The following NKPD1 variants were observed in gnomAD, a reference collection of about 807,000 sequenced individuals.
NKPD1 encodes the protein NTPase KAP family P-loop domain-containing protein 1.
Under a neutral mutation model 42.2 loss-of-function variants are expected in NKPD1, and 37 were observed. That is an observed-to-expected ratio of 0.88 (90% CI 0.67 to 1.15). The LOEUF (loss-of-function observed/expected upper bound fraction) is 1.15, where lower values mean the gene tolerates loss of function less well. Ranked by LOEUF, NKPD1 falls within the 50% of genes most tolerant of loss-of-function variation. The pLI is 0.00. For missense variants in NKPD1, 1,113 were observed against 1,174.6 expected, an observed-to-expected ratio of 0.95 and a Z score of 0.77; for synonymous variants, 552 against 536.5, an observed-to-expected ratio of 1.03 and a Z score of -0.40.
chr19:45,160,686 T>C (rs970079125), intron 1 of NKPD1, among the ~76,000 whole-genome samples: 22 of 150,166 alleles, frequency 1.5e-4, no homozygotes, highest in African/African-American at 5.2e-4. Flanking sequence ...AATGATACGG[T>C]GGAGGGGGAA....
intron 4 of NKPD1, among the ~76,000 whole-genome samples, chr19:45,155,128 G>C (rs1968878159): frequency 6.6e-6 from 1 of 151,446 alleles, no homozygotes; most frequent in African/African-American, 2.4e-5. Context: ...GAGACCATCT[G>C]GCCAACATGG....
rs759726979 is a variant in NKPD1 at position 45,153,456 on chromosome 19, C to G, written c.981G>C (p.Gln327His). 36 of 1,549,992 alleles carry G rather than the reference C, an allele frequency of 2.3e-5. No individual in the cohort carries two copies. Among genetic ancestry groups the G allele is most frequent in the Non-Finnish European group, 3.1e-5 (36 of 1,151,052 alleles). ...SVLGNKPATR[Q>H]DCCQSEWHCR... ...AATGCCACTCGCTCTGGCAGCAGTC[C>G]TGCCTGGTGGCCGGCTTGTTGCCCA... The change falls in exon 5 of 5, where the codon CAG (glutamine) becomes CAC (histidine). Residue 327 changes from glutamine to histidine, a missense_variant. Coordinates refer to ENST00000686631, the MANE Select transcript of NKPD1 (RefSeq NM_198478.4).
chr19:45,152,562 G>C lies in NKPD1; in HGVS notation c.1875C>G (p.Ile625Met), dbSNP rs779449449. Reference sequence around the variant, plus strand: ...GCACGGTGATGGGCACGGTGTTGACGATGCGCCGCATGGACACCACGTTGT... The same window carrying C: ...GCACGGTGATGGGCACGGTGTTGACCATGCGCCGCATGGACACCACGTTGT... ...VPDNVVSMRRIVNTVPITVRL... is the reference protein window; with the variant it reads ...VPDNVVSMRRMVNTVPITVRL... Residue 625 changes from isoleucine (I) to methionine (M), a missense_variant, in exon 5 of 5, where the codon ATC (isoleucine) becomes ATG (methionine). This residue lies in a region of NKPD1 where 867 missense variants were observed against 870.1 expected (regional missense o/e 1.00). Coordinates refer to ENST00000686631, the MANE Select transcript of NKPD1 (RefSeq NM_198478.4). 3 of 1,586,540 alleles carry C rather than the reference G, an allele frequency of 1.9e-6. No homozygotes were observed. The highest frequency in any genetic ancestry group is 2.6e-6 in the Non-Finnish European group (3 of 1,175,394).
At chr19:45,157,375 C>A (rs1968922901) in intron 3 of NKPD1, among the ~76,000 whole-genome samples, 1 of 152,212 alleles carries the variant, frequency 6.6e-6, no homozygotes, top group African/African-American at 2.4e-5. Flanking sequence ...TCCCCCATCT[C>A]CTGTCCCTGC....
Position 45,152,767 on chromosome 19 carries a change from GTCATC to G in NKPD1, c.1665_1669del (p.Glu555AspfsTer298), listed in dbSNP as rs1568456294. The G allele has an allele frequency of 6.3e-7, 1 of 1,596,788 alleles. No homozygotes were observed. The highest frequency in any genetic ancestry group is 8.5e-7 in the Non-Finnish European group (1 of 1,173,658). The stretch of plus-strand genomic sequence containing the variant: ...GTCCCCCGGCAGCCACGGCTTGCGC[GTCATC>G]TCGCGGTACAACAGGTCGTCGCGGC... On this transcript the variant is annotated frameshift_variant, in exon 5 of 5. Transcript: ENST00000686631. LOFTEE classifies it low-confidence loss of function (END_TRUNC).
intron 2 of NKPD1, among the ~76,000 whole-genome samples, chr19:45,159,635 C>T (rs1968970031): frequency 6.6e-6 from 1 of 152,080 alleles, no homozygotes; most frequent in South Asian, 2.1e-4. Context: ...CTGAATCAGC[C>T]CCAGTGGGAG....
At chr19:45,155,683 C>T in intron 4 of NKPD1, 102 bp downstream of exon 4, 1 of 1,165,862 alleles carries the variant, frequency 8.6e-7, no homozygotes, top group Non-Finnish European at 1.1e-6. Context: ...CTGGGGCAGG[C>T]TGGCCACAGG....
Position 45,151,872 on chromosome 19 carries a change from C to T in NKPD1, c.*66G>A. The T allele has an allele frequency of 1.4e-6, 2 of 1,440,788 alleles. No individual in the cohort carries two copies. The highest frequency in any genetic ancestry group is 1.5e-5 in the South Asian group (1 of 67,788). The allele number at this position is 1,440,788 out of a possible 1,614,324, so 89.3% of individuals were successfully genotyped here. ...ACCCTGGGTTGCGGCCCCAGTCCAG[C>T]CCCCTATTCTCCCATCTGGGCAGAT... On this transcript the variant is annotated 3_prime_UTR_variant, in exon 5 of 5. Coordinates refer to ENST00000686631, the MANE Select transcript of NKPD1 (RefSeq NM_198478.4).
rs770707442 is a variant in NKPD1 at position 45,151,978 on chromosome 19, G to A, written c.2459C>T (p.Ala820Val). 7 of 1,600,530 alleles carry A rather than the reference G, an allele frequency of 4.4e-6. No individual in the cohort carries two copies. In the East Asian group the frequency reaches 9.0e-5, roughly 21 times the overall value. ...GCTGGATTGCCCTGGACGGAAGAGC[G>A]CACAGGCCACCGGCCATAGCTTGCC... is the stretch of plus-strand genomic sequence containing the variant. ...HRGKLWPVACALFRPGQSSPG... is the reference protein window; with the variant it reads ...HRGKLWPVACVLFRPGQSSPG... Residue 820 changes from alanine to valine, a missense_variant, in exon 5 of 5, where the codon GCG (alanine) becomes GTG (valine). Physicochemically the swap from Ala to Val is moderately conservative, Grantham distance 64. Transcript: ENST00000686631.
In NKPD1 at chr19:45,152,235, G is replaced by A. The variant is rs373127837; in HGVS notation, c.2202C>T (p.Ala734=). The A allele has an allele frequency of 1.1e-5, 17 of 1,605,840 alleles. No homozygotes were observed. Among genetic ancestry groups the A allele is most frequent in the Admixed American group, 1.7e-5 (1 of 59,164 alleles). The change falls in exon 5 of 5, where the codon GCC becomes GCT. Residue 734 remains alanine (A), a synonymous_variant. Coordinates refer to ENST00000686631, the MANE Select transcript of NKPD1 (RefSeq NM_198478.4). ...FLGADFPFTV[A]EAQSLLRCTV... ...TGCAGCGCAGCAGGCTCTGCGCCTC[G>A]GCCACGGTGAAGGGGAAGTCGGCGC...
At chr19:45,162,685 G>A (rs1398011436), upstream of NKPD1, among the ~76,000 whole-genome samples, 4 of 152,130 alleles carry the variant, frequency 2.6e-5, no homozygotes, top group Admixed American at 2.6e-4. Context: ...CCAGGAAGAC[G>A]CTCCGTTCTG....
rs1156738712 is a variant in NKPD1 at position 45,152,249 on chromosome 19, G to A, written c.2188C>T (p.Pro730Ser). ...CTCTGCGCCTCGGCCACGGTGAAGG[G>A]GAAGTCGGCGCCCAGGAAGCGCTCG... ...LFERFLGADF[P>S]FTVAEAQSLL... Residue 730 changes from proline to serine, a missense_variant, in exon 5 of 5, where the codon CCC (proline) becomes TCC (serine). This residue lies in a region of NKPD1 where 867 missense variants were observed against 870.1 expected (regional missense o/e 1.00). Transcript: ENST00000686631. 1 of 1,608,404 alleles carries A rather than the reference G, an allele frequency of 6.2e-7. No homozygotes were observed. The highest frequency in any genetic ancestry group is 1.1e-5 in the South Asian group (1 of 90,276).
At chr19:45,155,022 TTA>T (rs1491377034) in intron 4 of NKPD1, among the ~76,000 whole-genome samples, 13 of 75,754 alleles carry the variant, frequency 1.7e-4, no homozygotes, top group African/African-American at 1.2e-3. Context: ...GAGACTCCAT[TTA>T]AAAAAAAAAA....
Position 45,152,407 on chromosome 19 carries a change from C to T in NKPD1, c.2030G>A (p.Arg677Gln), listed in dbSNP as rs907783719. The stretch of plus-strand genomic sequence containing the variant: ...CTCGGGCGCGCCCCCGGTCTGCTGC[C>T]GGTCCTCCAGGCACTGCAGCGCCCA... ...LSWALQCLEDRQQTGGAPEGR... is the reference protein window; with the variant it reads ...LSWALQCLEDQQQTGGAPEGR... The change falls in exon 5 of 5, where the codon CGG becomes CAG. Residue 677 changes from arginine (R) to glutamine (Q), a missense_variant. By Grantham distance (43) the Arg-to-Gln change is conservative. This residue lies in a region of NKPD1 where 867 missense variants were observed against 870.1 expected (regional missense o/e 1.00). Coordinates refer to ENST00000686631, the MANE Select transcript of NKPD1 (RefSeq NM_198478.4). The T allele has an allele frequency of 9.5e-6, 15 of 1,574,424 alleles. No homozygotes were observed. Among genetic ancestry groups the T allele is most frequent in the Non-Finnish European group, 1.0e-5 (12 of 1,161,784 alleles).
At chr19:45,157,615 TA>T (rs1435259974) in intron 3 of NKPD1, among the ~76,000 whole-genome samples, 1 of 151,986 alleles carries the variant, frequency 6.6e-6, no homozygotes. Flanking sequence ...AGGGCATAAC[TA>T]TGCTGCCCAG....
Position 45,160,930 on chromosome 19 carries a change from G to A in NKPD1, c.-77C>T, listed in dbSNP as rs959392028. Reference sequence around the variant, plus strand: ...AGTCCCAGTCCCACTCGTACCTGACGGTGGCCTCACGGCCCCAGCTGCCTG... The same window carrying A: ...AGTCCCAGTCCCACTCGTACCTGACAGTGGCCTCACGGCCCCAGCTGCCTG... On this transcript the variant is annotated 5_prime_UTR_variant, in exon 1 of 5. Coordinates refer to ENST00000686631, the MANE Select transcript of NKPD1 (RefSeq NM_198478.4). Among the ~76,000 whole-genome samples, 5 of 151,972 alleles carry A rather than the reference G, an allele frequency of 3.3e-5. No homozygotes were observed. Among genetic ancestry groups the A allele is most frequent in the East Asian group, 1.9e-4 (1 of 5,178 alleles).
rs762908926 is a variant in NKPD1 at position 45,153,302 on chromosome 19, C to T, written c.1135G>A (p.Val379Met). The change falls in exon 5 of 5, where the codon GTG becomes ATG. Residue 379 changes from valine to methionine, a missense_variant. Coordinates refer to ENST00000686631, the MANE Select transcript of NKPD1 (RefSeq NM_198478.4). Reference sequence around the variant, plus strand: ...AGTGTGGTGGCCGCGCCGCCAAACACCTTGAGCAGGCTGCCGCTCGGGCTG... The same window carrying T: ...AGTGTGGTGGCCGCGCCGCCAAACATCTTGAGCAGGCTGCCGCTCGGGCTG... ...HGSPSGSLLK[V>M]FGGAATTLSG... is the part of the protein sequence containing the mutation. 8 of 1,585,474 alleles carry T rather than the reference C, an allele frequency of 5.0e-6. No individual in the cohort carries two copies. The highest frequency in any genetic ancestry group is 6.9e-6 in the Non-Finnish European group (8 of 1,166,840).
chr19:45,160,141 G>A lies in NKPD1; in HGVS notation c.10C>T (p.His4Tyr). ...TCCTTGGCGAAGTGGACTTTGTAATGTTTGTGCATGGCAGCCGGGCAGCTG... is the reference window on the plus strand; with the variant it reads ...TCCTTGGCGAAGTGGACTTTGTAATATTTGTGCATGGCAGCCGGGCAGCTG... Reference protein sequence around the residue: MHKHYKVHFAKDAQ... With the variant: MHKYYKVHFAKDAQ... The change falls in exon 2 of 5, where the codon CAT becomes TAT. Residue 4 changes from histidine to tyrosine, a missense_variant. Coordinates refer to ENST00000686631, the MANE Select transcript of NKPD1 (RefSeq NM_198478.4). 3.1e-6 allele frequency: 4 copies of A among 1,304,854 alleles called. No individual in the cohort carries two copies. Among genetic ancestry groups the A allele is most frequent in the Non-Finnish European group, 4.0e-6 (4 of 988,666 alleles). The allele number at this position is 1,304,854 out of a possible 1,614,324, so 80.8% of individuals were successfully genotyped here.
rs1371425085 is a variant in NKPD1, at chr19:45,153,614, G to T, written c.823C>A (p.Gln275Lys). The part of the protein sequence containing the change: ...TEVHLRRRNV[Q>K]FLFIRFSAWQ... The stretch of plus-strand genomic sequence containing the variant: ...GCGCTAAAGCGGATGAAAAGGAACT[G>T]CACGTTCCTGCGCCGCAGGTGCACC... Residue 275 changes from glutamine to lysine, a missense_variant, in exon 5 of 5, where the codon CAG becomes AAG. Around this residue, in one of 3 missense-constraint regions of NKPD1, gnomAD observed 867 missense variants for 870.1 expected, o/e 1.00. Coordinates refer to ENST00000686631, the MANE Select transcript of NKPD1 (RefSeq NM_198478.4). The T allele has an allele frequency of 6.3e-7, 1 of 1,577,466 alleles. No homozygotes were observed. Among genetic ancestry groups the T allele is most frequent in the Non-Finnish European group, 8.6e-7 (1 of 1,159,886 alleles).
Sources: allele counts gnomAD v4.1 joint callset (sites outside exome capture counted in the v4.1 genomes callset), GRCh38; gene constraint gnomAD v4.1.1; regional missense constraint gnomAD v4.1.1; transcripts MANE v1.5; gene names NCBI Gene and HGNC (gene_info 2026-07-23, HGNC 2026-07-21).